The following STXBP5L variants were observed in gnomAD, a reference collection of about 807,000 sequenced individuals.
STXBP5L encodes the protein syntaxin-binding protein 5-like.
A neutral mutation model predicts 144.5 loss-of-function variants in STXBP5L; 65 were observed. The observed-to-expected ratio is 0.45, with a 90% CI of 0.37 to 0.55. STXBP5L has a LOEUF of 0.55. Among genes scored for constraint, STXBP5L ranks in the 20% least tolerant of loss-of-function variants. The probability of loss-of-function intolerance (pLI) is 0.00; values close to 1 mark genes in which losing one functional copy is unlikely to be tolerated. For missense variants in STXBP5L, 1,298 were observed against 1,405.5 expected, an observed-to-expected ratio of 0.92 and a Z score of 1.22; for synonymous variants, 505 against 469.6, an observed-to-expected ratio of 1.08 and a Z score of -0.97.
chr3:121,168,503 G>A (rs1458809343), intron 9 of STXBP5L, among the ~76,000 whole-genome samples: 1 of 152,132 alleles, frequency 6.6e-6, no homozygotes, highest in Admixed American at 6.5e-5. Context: ...TAAATGACCT[G>A]ATGGAGCTGA....
intron 3 of STXBP5L, among the ~76,000 whole-genome samples, chr3:121,031,681 C>T (rs1288006025): frequency 6.6e-6 from 1 of 152,034 alleles, no homozygotes; most frequent in Admixed American, 6.6e-5. Context: ...AAAATATCTT[C>T]ATAGCAAGAT....
intron 20 of STXBP5L, among the ~76,000 whole-genome samples, chr3:121,322,387 A>G (rs2044000455): frequency 6.6e-6 from 1 of 151,466 alleles, no homozygotes; most frequent in Non-Finnish European, 1.5e-5. Flanking sequence ...CTGAGGCAGG[A>G]GAATCACTTG....
At chr3:121,170,782 T>C (rs985678488) in intron 9 of STXBP5L, among the ~76,000 whole-genome samples, 2 of 152,172 alleles carry the variant, frequency 1.3e-5, no homozygotes, top group African/African-American at 4.8e-5. Flanking sequence ...GATGGTACCA[T>C]TCCTTCTGAA....
intron 10 of STXBP5L, among the ~76,000 whole-genome samples, chr3:121,209,870 G>A (rs1238811734): frequency 6.6e-6 from 1 of 152,164 alleles, no homozygotes; most frequent in African/African-American, 2.4e-5. Flanking sequence ...CTTTGCTATT[G>A]TGAATAGTGC....
At chr3:120,956,699 A>G (rs1576482349) in intron 3 of STXBP5L, among the ~76,000 whole-genome samples, 1 of 151,996 alleles carries the variant, frequency 6.6e-6, no homozygotes. Flanking sequence ...CCAGAAGAAG[A>G]ATTGCTGGAT....
At chr3:121,177,956 G>A (rs975262018) in intron 9 of STXBP5L, among the ~76,000 whole-genome samples, 7 of 152,088 alleles carry the variant, frequency 4.6e-5, no homozygotes, top group African/African-American at 1.7e-4. Context: ...GAAAAATAGG[G>A]AAATTCTGAA....
chr3:121,268,883 C>T (rs1464585707), intron 18 of STXBP5L, among the ~76,000 whole-genome samples: 1 of 152,108 alleles, frequency 6.6e-6, no homozygotes, highest in Non-Finnish European at 1.5e-5. Context: ...CAGTTTGTCG[C>T]ACATATATGG....
intron 3 of STXBP5L, among the ~76,000 whole-genome samples, chr3:121,019,208 A>G (rs1196556388): frequency 6.6e-6 from 1 of 152,124 alleles, no homozygotes; most frequent in Non-Finnish European, 1.5e-5. Flanking sequence ...TCCTCACAGG[A>G]GCCACAGCAA....
intron 3 of STXBP5L, among the ~76,000 whole-genome samples, chr3:121,038,647 T>C (rs1166124265): frequency 6.6e-6 from 1 of 151,970 alleles, no homozygotes; most frequent in Non-Finnish European, 1.5e-5. Context: ...GTCTTCTTCA[T>C]TTTTACTGAT....
intron 20 of STXBP5L, among the ~76,000 whole-genome samples, chr3:121,338,743 A>C (rs1443578690): frequency 6.6e-6 from 1 of 152,034 alleles, no homozygotes; most frequent in Non-Finnish European, 1.5e-5. Flanking sequence ...GGAATACAAA[A>C]GATTATTTAA....
chr3:120,974,769 A>G (rs961130023), intron 3 of STXBP5L, among the ~76,000 whole-genome samples: 28 of 152,206 alleles, frequency 1.8e-4, no homozygotes, highest in Non-Finnish European at 3.5e-4. Flanking sequence ...ATGGCTAGCC[A>G]GTTTTCCCAG....
At chr3:120,984,413 G>T (rs1942090172) in intron 3 of STXBP5L, among the ~76,000 whole-genome samples, 1 of 152,040 alleles carries the variant, frequency 6.6e-6, no homozygotes, top group Non-Finnish European at 1.5e-5. Context: ...AGTGATGCCA[G>T]GGCATCTACT....
chr3:121,121,047 C>T (rs931151597), intron 6 of STXBP5L, among the ~76,000 whole-genome samples: 4 of 151,112 alleles, frequency 2.6e-5, no homozygotes, highest in African/African-American at 9.7e-5. Flanking sequence ...CTGTTAGACT[C>T]ATAATTATCT....
intron 5 of STXBP5L, among the ~76,000 whole-genome samples, chr3:121,063,986 C>T (rs1449595986): frequency 6.6e-6 from 1 of 152,154 alleles, no homozygotes; most frequent in Non-Finnish European, 1.5e-5. Context: ...AGCCCACTTT[C>T]CAGGGGAGTG....
intron 5 of STXBP5L, among the ~76,000 whole-genome samples, chr3:121,072,766 C>A (rs2041859762): frequency 6.6e-6 from 1 of 152,206 alleles, no homozygotes; most frequent in Admixed American, 6.5e-5. Context: ...TTGTTCTTTG[C>A]AATGGATGAC....
At chr3:120,975,097 G>A (rs1441157218) in intron 3 of STXBP5L, among the ~76,000 whole-genome samples, 1 of 152,208 alleles carries the variant, frequency 6.6e-6, no homozygotes, top group Non-Finnish European at 1.5e-5. Flanking sequence ...TTGGTAGTTT[G>A]ATGGGGATGG....
intron 3 of STXBP5L, among the ~76,000 whole-genome samples, chr3:120,958,257 C>A (rs916572750): frequency 2.6e-5 from 4 of 152,040 alleles, no homozygotes; most frequent in Admixed American, 1.3e-4. Context: ...GAAATTGAGG[C>A]AATAATTAAT....
At chr3:121,389,756 T>G (rs2108702444) in intron 22 of STXBP5L, among the ~76,000 whole-genome samples, 1 of 152,364 alleles carries the variant, frequency 6.6e-6, no homozygotes, top group East Asian at 1.9e-4. Flanking sequence ...AGAGACAGTT[T>G]GTTGTGATTT....
intron 23 of STXBP5L, among the ~76,000 whole-genome samples, chr3:121,410,827 C>G (rs950221202): frequency 2.6e-5 from 4 of 152,020 alleles, no homozygotes; most frequent in African/African-American, 7.2e-5. Flanking sequence ...GTTATAAGAG[C>G]AATTGTTTCC....
Sources: allele counts gnomAD v4.1 joint callset (sites outside exome capture counted in the v4.1 genomes callset), GRCh38; gene constraint gnomAD v4.1.1; transcripts MANE v1.5; gene names NCBI Gene and HGNC (gene_info 2026-07-23, HGNC 2026-07-21).